TMPRSS5: variants seen among roughly 807,000 people sequenced by gnomAD.
TMPRSS5 encodes transmembrane serine protease 5.
In TMPRSS5, 45 loss-of-function variants were observed where a neutral mutation model predicts 59.7. The ratio of observed to expected loss-of-function variants is 0.75; its 90% CI spans 0.59 to 0.97. The LOEUF (loss-of-function observed/expected upper bound fraction) is 0.97, where lower values mean the gene tolerates loss of function less well. Ranked by LOEUF, TMPRSS5 falls within the 50% of genes least tolerant of loss-of-function variation. TMPRSS5 has a pLI of 0.00. For synonymous variants in TMPRSS5, 225 were observed against 232.0 expected (o/e 0.97, Z 0.27); for missense variants, 585 against 596.7 (o/e 0.98, Z 0.20).
chr11:113,697,222 A>G, intron 5 of TMPRSS5, 61 bp downstream of exon 5: 1 of 1,565,584 alleles, frequency 6.4e-7, no homozygotes, highest in Non-Finnish European at 8.7e-7. Flanking sequence ...GAGGTCTCCA[A>G]TTCCCATCCC....
intron 5 of TMPRSS5, 73 bp downstream of exon 5, chr11:113,697,210 T>C (rs1485331747): frequency 6.5e-7 from 1 of 1,547,016 alleles, no homozygotes; most frequent in Non-Finnish European, 8.8e-7. Context: ...GACGGGCAGG[T>C]AGAGGTCTCC....
intron 2 of TMPRSS5, 79 bp downstream of exon 2, chr11:113,699,987 A>G (rs1050401459): frequency 1.5e-5 from 24 of 1,549,042 alleles, no homozygotes; most frequent in South Asian, 3.6e-5. Flanking sequence ...GCTGACCCCA[A>G]GGAGGATCCG....
intron 8 of TMPRSS5, 105 bp from the exon 9 acceptor site, chr11:113,693,354 G>A (rs1050159539): frequency 6.1e-6 from 8 of 1,307,194 alleles, no homozygotes; most frequent in South Asian, 1.6e-5. Context: ...TTGGTGGGGG[G>A]GCCGTCAGCA....
intron 1 of TMPRSS5, among the ~76,000 whole-genome samples, chr11:113,702,875 C>G (rs113332537): frequency 0.096 from 14,627 of 152,284 alleles, 1,025 homozygotes; most frequent in African/African-American, 0.2. Context: ...TTGAAAACCT[C>G]CACCTAGATT....
rs1952655613 is a variant in TMPRSS5 at position 113,688,101 on chromosome 11, G to A, written c.*159C>T. ...AAGAGGAGAGACCTGTTGGCTGGGT[G>A]GCTGGCCAGTGGGTAGTGACTGTTC... On this transcript the variant is annotated 3_prime_UTR_variant, in exon 13 of 13. Coordinates refer to ENST00000299882, the MANE Select transcript of TMPRSS5 (RefSeq NM_030770.4). 1.7e-6 allele frequency: 2 copies of A among 1,208,306 alleles called. No homozygotes were observed. The highest frequency in any genetic ancestry group is 5.3e-5 in the South Asian group (2 of 37,602). The allele number at this position is 1,208,306 out of a possible 1,614,324, so 74.8% of individuals were successfully genotyped here.
chr11:113,694,272 A>G, intron 8 of TMPRSS5: 1 of 428,090 alleles, frequency 2.3e-6, no homozygotes, highest in Non-Finnish European at 4.1e-6. Context: ...ACTGATGAAT[A>G]TAAAGAACAA....
At chr11:113,693,014 C>A in intron 9 of TMPRSS5, 57 bp downstream of exon 9, 1 of 1,310,528 alleles carries the variant, frequency 7.6e-7, no homozygotes, top group Non-Finnish European at 1.1e-6. Context: ...TCCCACCCAG[C>A]CCCCGCCCTC....
At chr11:113,696,284 C>A (rs576846449) in intron 6 of TMPRSS5, among the ~76,000 whole-genome samples, 7 of 152,156 alleles carry the variant, frequency 4.6e-5, no homozygotes, top group Non-Finnish European at 1.0e-4. Flanking sequence ...TAGGAAGGCA[C>A]AAAGACCCTC....
At chr11:113,697,911 T>C (rs1055524734) in intron 4 of TMPRSS5, among the ~76,000 whole-genome samples, 2 of 152,166 alleles carry the variant, frequency 1.3e-5, no homozygotes, top group African/African-American at 4.8e-5. Flanking sequence ...CACAAATTCA[T>C]ATGTTAAAGC....
At chr11:113,702,118 T>G (rs1218837041) in intron 1 of TMPRSS5, among the ~76,000 whole-genome samples, 1 of 152,216 alleles carries the variant, frequency 6.6e-6, no homozygotes, top group African/African-American at 2.4e-5. Flanking sequence ...GAGGACATTA[T>G]CTCATTCTTT....
intron 3 of TMPRSS5, among the ~76,000 whole-genome samples, chr11:113,699,232 T>C (rs925688498): frequency 1.0e-4 from 6 of 59,740 alleles, no homozygotes; most frequent in Non-Finnish European, 1.5e-4. Flanking sequence ...TCTCTCTCTC[T>C]CTCTCTCTCT....
intron 4 of TMPRSS5, among the ~76,000 whole-genome samples, chr11:113,698,001 G>T (rs968509654): frequency 1.3e-5 from 2 of 152,104 alleles, no homozygotes; most frequent in Non-Finnish European, 2.9e-5. Flanking sequence ...CGAGGGTGAC[G>T]CCCTGATCCA....
In TMPRSS5 at chr11:113,688,288, G is replaced by A. The variant is rs1952661459; in HGVS notation, c.1360-14C>T. 3 of 1,544,096 alleles carry A rather than the reference G, an allele frequency of 1.9e-6. No homozygotes were observed. The highest frequency in any genetic ancestry group is 2.4e-5 in the East Asian group (1 of 42,460). Reference sequence around the variant, plus strand: ...GAGGAGGGAGTCCTAGACCAAAAGGGAAAGGAACTGATTCACAGCATGGCT... The same window carrying A: ...GAGGAGGGAGTCCTAGACCAAAAGGAAAAGGAACTGATTCACAGCATGGCT... On this transcript the variant is annotated splice_polypyrimidine_tract_variant and intron_variant, in intron 12 of 12. Coordinates refer to ENST00000299882, the MANE Select transcript of TMPRSS5 (RefSeq NM_030770.4).
intron 10 of TMPRSS5, 34 bp downstream of exon 10, chr11:113,690,807 G>A (rs753251919): frequency 3.9e-6 from 6 of 1,531,006 alleles, no homozygotes; most frequent in East Asian, 2.4e-5. Context: ...TCCCACACCC[G>A]CCCCTGCACC....
rs868264413 is a variant in TMPRSS5, at chr11:113,688,365, C to T, written c.1360-91G>A. ...TAGTAAATCACTTAACCATGCAGGG[C>T]CTTGATTTTCACTTCTATCAAATGA... On this transcript the variant is annotated intron_variant, in intron 12 of 12. Coordinates refer to ENST00000299882, the MANE Select transcript of TMPRSS5 (RefSeq NM_030770.4). 5.8e-6 allele frequency: 5 copies of T among 860,548 alleles called. 1 individual carries two copies. Among genetic ancestry groups the T allele is most frequent in the Middle Eastern group, 2.2e-4 (1 of 4,570 alleles). 53.3% of individuals were successfully genotyped at this position (860,548 alleles called of 1,614,324 possible).
chr11:113,689,736 CCCTGCCCTACT>C lies in TMPRSS5; in HGVS notation c.1359+18_1359+28del, dbSNP rs1952706863. 3 of 1,600,174 alleles carry C rather than the reference CCCTGCCCTACT, an allele frequency of 1.9e-6. No homozygotes were observed. The highest frequency in any genetic ancestry group is 1.7e-5 in the Admixed American group (1 of 58,398). On this transcript the variant is annotated intron_variant, in intron 12 of 12. Coordinates refer to ENST00000299882, the MANE Select transcript of TMPRSS5 (RefSeq NM_030770.4). ...TCGAGGGCAGGTCCTTTAGAAATCT[CCCTGCCCTACT>C]CCTGCCCCCACACTCACCTGAGCAG...
intron 6 of TMPRSS5, among the ~76,000 whole-genome samples, chr11:113,696,571 C>T (rs556024508): frequency 3.1e-4 from 47 of 152,228 alleles, no homozygotes; most frequent in Admixed American, 5.2e-4. Flanking sequence ...CTTATTAAGC[C>T]TCAGTTTCCT....
At chr11:113,695,972 T>G (rs1412790806) in intron 6 of TMPRSS5, among the ~76,000 whole-genome samples, 1 of 152,064 alleles carries the variant, frequency 6.6e-6, no homozygotes, top group Non-Finnish European at 1.5e-5. Context: ...AAAACTCTCT[T>G]CTCTTTCTTT....
Position 113,693,058 on chromosome 11 carries a change from G to C in TMPRSS5, c.964+13C>G. On this transcript the variant is annotated intron_variant, in intron 9 of 12. Transcript: ENST00000299882. The stretch of plus-strand genomic sequence containing the variant: ...TAGTCTCCAGCCTGCCCACCCTCAA[G>C]CCAGTGCCGCACCTGAGAAGTTGAG... 1.4e-6 allele frequency: 2 copies of C among 1,390,088 alleles called. No individual in the cohort carries two copies. Among genetic ancestry groups the C allele is most frequent in the Non-Finnish European group, 1.9e-6 (2 of 1,044,196 alleles). 86.1% of individuals were successfully genotyped at this position (1,390,088 alleles called of 1,614,324 possible).
Sources: gnomAD v4.1 joint callset for allele counts (sites outside exome capture counted in the v4.1 genomes callset) on GRCh38, gnomAD v4.1.1 for gene constraint, MANE v1.5 for transcripts, NCBI Gene and HGNC (gene_info 2026-07-23, HGNC 2026-07-21) for gene names.